Variants in C10orf67 observed in about 807,000 individuals in gnomAD.
C10orf67 encodes the protein chromosome 10 open reading frame 67, also known as uncharacterized protein C10orf67, mitochondrial.
In C10orf67, 60 loss-of-function variants were observed where a neutral mutation model predicts 35.6. The observed-to-expected ratio is 1.68, with a 90% confidence interval of 1.37 to 2.09. The LOEUF (loss-of-function observed/expected upper bound fraction) is 2.09. Among genes scored for constraint, C10orf67 ranks in the 30% most tolerant of loss-of-function variants. The pLI is 0.00. For missense variants in C10orf67, 474 were observed against 330.2 expected (o/e 1.44, Z -3.38); for synonymous variants, 167 against 115.8 (o/e 1.44, Z -2.84).
At chr10:23,343,029 A>T (rs1175211156) in intron 1 of C10orf67, among the ~76,000 whole-genome samples, 1 of 152,280 alleles carries the variant, frequency 6.6e-6, no homozygotes, top group African/African-American at 2.4e-5. Context: ...TCCCAGAAAC[A>T]TCAGCTCTAC....
intron 15 of C10orf67, among the ~76,000 whole-genome samples, chr10:23,205,842 T>C (rs1841144099): frequency 6.6e-6 from 1 of 152,226 alleles, no homozygotes; most frequent in African/African-American, 2.4e-5. Context: ...AATAAAATTC[T>C]TATTTTCTTT....
chr10:23,334,075 A>G (rs1023109974), intron 1 of C10orf67, among the ~76,000 whole-genome samples: 19 of 152,200 alleles, frequency 1.2e-4, no homozygotes, highest in South Asian at 4.1e-4. Flanking sequence ...TAAATTTCCA[A>G]TCTGGCAACT....
chr10:23,290,292 C>T lies in C10orf67; in HGVS notation c.851-334G>A, dbSNP rs560996700. ...GTGGCAGTTTATGACTTAATAAGAA[C>T]GACCCAAAACTAAAAAGCCTTGCTA... On this transcript the variant is annotated intron_variant, in intron 6 of 15. Transcript: ENST00000636213. Among the ~76,000 whole-genome samples the T allele has an allele frequency of 9.9e-5, 15 of 152,258 alleles. 1 individual carries two copies. The highest frequency in any genetic ancestry group is 1.5e-4 in the Non-Finnish European group (10 of 68,024).
At chr10:23,274,138 C>A (rs1308805346) in intron 8 of C10orf67, among the ~76,000 whole-genome samples, 1 of 152,034 alleles carries the variant, frequency 6.6e-6, no homozygotes, top group South Asian at 2.1e-4. Context: ...TCACAGAGAT[C>A]ACACGCTTCA....
chr10:23,321,872 G>A (rs936545454), intron 3 of C10orf67, among the ~76,000 whole-genome samples: 8 of 152,072 alleles, frequency 5.3e-5, no homozygotes, highest in African/African-American at 1.9e-4. Context: ...CTGAAGCCTT[G>A]AACTCCTGGG....
rs529352550 is a variant in C10orf67 at position 23,262,299 on chromosome 10, A to C, written c.1200+3963T>G. On this transcript the variant is annotated intron_variant, in intron 10 of 15. Coordinates refer to ENST00000636213, the MANE Select transcript of C10orf67 (RefSeq NM_001371909.1). ...AGCCTTGACTCCCACTGGGAACTGG[A>C]GAGAAATCCACAGCTGAAGCCCCAG... is the stretch of plus-strand genomic sequence containing the variant. Among the ~76,000 whole-genome samples, 3 of 143,578 alleles carry C rather than the reference A, an allele frequency of 2.1e-5. No homozygotes were observed. The South Asian group carries it at 6.5e-4, about 31-fold the overall frequency. 94.2% of individuals were successfully genotyped at this position (143,578 alleles called of 152,430 possible).
chr10:23,248,165 AAAGTGAGTC>A, intron 12 of C10orf67, among the ~76,000 whole-genome samples: 1 of 152,198 alleles, frequency 6.6e-6, no homozygotes. Context: ...ATGGTGGGCA[AAAGTGAGTC>A]CATCTGGCCC....
chr10:23,332,964 T>G, intron 2 of C10orf67, 98 bp downstream of exon 2: 2 of 1,255,620 alleles, frequency 1.6e-6, no homozygotes, highest in Non-Finnish European at 2.2e-6. Context: ...GCTAACATTT[T>G]AAAAATTTTA....
chr10:23,202,244 T>C (rs1450738776), downstream of C10orf67: 2 of 152,234 alleles, frequency 1.3e-5, no homozygotes, highest in Admixed American at 1.3e-4. Context: ...CCTAGCTAGT[T>C]CTGCGGACCT....
chr10:23,314,145 G>A lies in C10orf67; in HGVS notation c.546+6596C>T, dbSNP rs538831830. Among the ~76,000 whole-genome samples, 5 of 152,152 alleles carry A rather than the reference G, an allele frequency of 3.3e-5. No homozygotes were observed. In the East Asian group the frequency reaches 9.7e-4, roughly 30 times the overall value. On this transcript the variant is annotated intron_variant, in intron 4 of 15. Coordinates refer to ENST00000636213, the MANE Select transcript of C10orf67 (RefSeq NM_001371909.1). Reference sequence around the variant, plus strand: ...AGAGGTTGCAGTGAGCAGAGACGGTGCCACTGCACTCCAGCCTGGGAGACA... The same window carrying A: ...AGAGGTTGCAGTGAGCAGAGACGGTACCACTGCACTCCAGCCTGGGAGACA...
chr10:23,225,154 G>C (rs888905414), intron 13 of C10orf67, among the ~76,000 whole-genome samples: 1 of 152,234 alleles, frequency 6.6e-6, no homozygotes, highest in African/African-American at 2.4e-5. Context: ...AAGCCCATCA[G>C]ACTAACAGCG....
intron 15 of C10orf67, 146 bp downstream of exon 15, chr10:23,223,452 G>T (rs1792713254): frequency 4.7e-6 from 3 of 643,478 alleles, no homozygotes; most frequent in Non-Finnish European, 5.6e-6. Flanking sequence ...CAGTTTATCT[G>T]TGCAATAATT....
chr10:23,302,146 C>T (rs1844101072), intron 5 of C10orf67, among the ~76,000 whole-genome samples: 1 of 151,910 alleles, frequency 6.6e-6, no homozygotes, highest in Non-Finnish European at 1.5e-5. Context: ...AGGGAGAGGA[C>T]CCAAAGAGGG....
intron 8 of C10orf67, among the ~76,000 whole-genome samples, chr10:23,277,551 CAAAA>C (rs200341837): frequency 8.4e-6 from 1 of 118,838 alleles, no homozygotes. Context: ...TGACCAACTC[CAAAA>C]AAAAAAAAAA....
At chr10:23,340,469 G>A (rs990680121) in intron 1 of C10orf67, among the ~76,000 whole-genome samples, 3 of 152,170 alleles carry the variant, frequency 2.0e-5, no homozygotes, top group African/African-American at 7.2e-5. Context: ...GCAGTGAGCT[G>A]TGACCATACC....
chr10:23,304,699 C>G (rs1273340217), intron 4 of C10orf67, among the ~76,000 whole-genome samples: 1 of 152,100 alleles, frequency 6.6e-6, no homozygotes, highest in African/African-American at 2.4e-5. Flanking sequence ...GGTCCATGGC[C>G]ACTTCTCCTT....
intron 8 of C10orf67, among the ~76,000 whole-genome samples, chr10:23,271,007 T>C (rs1843003161): frequency 6.6e-6 from 1 of 152,176 alleles, no homozygotes; most frequent in African/African-American, 2.4e-5. Context: ...GACCCATCAG[T>C]ATGCTGTCTT....
At chr10:23,226,184 G>T (rs892609754) in intron 13 of C10orf67, among the ~76,000 whole-genome samples, 4 of 151,824 alleles carry the variant, frequency 2.6e-5, no homozygotes, top group East Asian at 3.9e-4. Context: ...ACCACATAGT[G>T]GGAAGTAAAG....
At chr10:23,214,415 T>C (rs1276185106) in intron 15 of C10orf67, among the ~76,000 whole-genome samples, 2 of 152,124 alleles carry the variant, frequency 1.3e-5, no homozygotes, top group Non-Finnish European at 2.9e-5. Context: ...AAAGAGACAA[T>C]CATGATGGAA....
Sources: gnomAD v4.1 joint callset for allele counts (sites outside exome capture counted in the v4.1 genomes callset) on GRCh38, gnomAD v4.1.1 for gene constraint, MANE v1.5 for transcripts, NCBI Gene and HGNC (gene_info 2026-07-23, HGNC 2026-07-21) for gene names.